Variants in GRID1 observed in about 807,000 individuals in gnomAD.
GRID1 encodes glutamate ionotropic receptor delta type subunit 1.
Under a neutral mutation model 98.0 loss-of-function variants are expected in GRID1, and 28 were observed. The observed-to-expected ratio is 0.29, with a 90% CI of 0.21 to 0.39. The LOEUF (loss-of-function observed/expected upper bound fraction) is 0.39, where lower values mean the gene tolerates loss of function less well. GRID1 is among the 10% of genes least tolerant of loss of function. The probability of loss-of-function intolerance (pLI) is 1.00; values close to 1 mark genes in which losing one functional copy is unlikely to be tolerated. For synonymous variants in GRID1, 553 were observed against 538.5 expected, an observed-to-expected ratio of 1.03 and a Z score of -0.37; for missense variants, 1,111 against 1,340.5, an observed-to-expected ratio of 0.83 and a Z score of 2.67.
intron 8 of GRID1, among the ~76,000 whole-genome samples, chr10:85,799,556 C>A (rs1278899807): frequency 6.6e-6 from 1 of 152,016 alleles, no homozygotes; most frequent in African/African-American, 2.4e-5. Context: ...AGACTTAAAT[C>A]TTGTCATTTT....
intron 12 of GRID1, among the ~76,000 whole-genome samples, chr10:85,700,417 G>A (rs2132621502): frequency 6.6e-6 from 1 of 152,284 alleles, no homozygotes. Flanking sequence ...CTGTCCTCCT[G>A]CCTTCCAACC....
intron 5 of GRID1, among the ~76,000 whole-genome samples, chr10:85,885,342 A>T (rs1431025057): frequency 2.6e-5 from 4 of 152,196 alleles, no homozygotes; most frequent in Non-Finnish European, 5.9e-5. Context: ...GAACATGTAT[A>T]TTCAGCCAGG....
rs551746097 is a variant in GRID1, at chr10:85,757,211, C to T, written c.1234-27597G>A. Among the ~76,000 whole-genome samples, 5 of 152,322 alleles carry T rather than the reference C, an allele frequency of 3.3e-5. No individual in the cohort carries two copies. The East Asian group carries it at 9.7e-4, about 29-fold the overall frequency. On this transcript the variant is annotated intron_variant, in intron 8 of 15. Coordinates refer to ENST00000327946, the MANE Select transcript of GRID1 (RefSeq NM_017551.3). Reference sequence around the variant, plus strand: ...CAACTCCCCTTCAAGGTTCTACTACCTAATCTCGCTTGGAAGAACAAGCCT... The same window carrying T: ...CAACTCCCCTTCAAGGTTCTACTACTTAATCTCGCTTGGAAGAACAAGCCT...
Position 85,916,058 on chromosome 10 carries a change from C to G in GRID1, c.780+128G>C. The G allele has an allele frequency of 1.4e-6, 1 of 736,442 alleles. No homozygotes were observed. The highest frequency in any genetic ancestry group is 2.3e-6 in the Non-Finnish European group (1 of 427,984). The allele number at this position is 736,442 out of a possible 1,614,324, so 45.6% of individuals were successfully genotyped here. ...TCAACTCTTTGAGTTTTTGCCTGGG[C>G]TAGGTGGAGCCCCAGGATTCACAAC... is the stretch of plus-strand genomic sequence containing the variant. On this transcript the variant is annotated intron_variant, in intron 5 of 15. Coordinates refer to ENST00000327946, the MANE Select transcript of GRID1 (RefSeq NM_017551.3). This position sits in a 1 kb window ranked among gnomAD's most constrained non-coding sequence, Gnocchi z 4.0.
intron 8 of GRID1, among the ~76,000 whole-genome samples, chr10:85,751,709 C>T (rs979313407): frequency 6.6e-6 from 1 of 151,978 alleles, no homozygotes; most frequent in African/African-American, 2.4e-5. Context: ...TGTGTGCACA[C>T]ATATATGTAT....
intron 8 of GRID1, among the ~76,000 whole-genome samples, chr10:85,837,292 C>A (rs768856883): frequency 5.3e-5 from 8 of 152,224 alleles, no homozygotes; most frequent in Non-Finnish European, 1.0e-4. Flanking sequence ...ACCAACTCCA[C>A]CTCCAGCACA....
chr10:85,978,870 T>TA (rs1253907698), intron 4 of GRID1, among the ~76,000 whole-genome samples: 3 of 152,204 alleles, frequency 2.0e-5, no homozygotes, highest in Non-Finnish European at 2.9e-5. Context: ...CTGGAACGCT[T>TA]ACAGTAACCC....
At chr10:85,850,071 G>T (rs1843043722) in intron 8 of GRID1, among the ~76,000 whole-genome samples, 1 of 152,112 alleles carries the variant, frequency 6.6e-6, no homozygotes, top group African/African-American at 2.4e-5. Context: ...CCTGCCCAAG[G>T]ACAGCTGCTG....
intron 12 of GRID1, among the ~76,000 whole-genome samples, chr10:85,675,472 G>A (rs1454413464): frequency 6.6e-6 from 1 of 152,204 alleles, no homozygotes; most frequent in Non-Finnish European, 1.5e-5. Context: ...TTTCAGGAAT[G>A]ACAGACATCT....
intron 4 of GRID1, among the ~76,000 whole-genome samples, chr10:86,132,876 A>G (rs1021959714): frequency 3.3e-5 from 5 of 152,210 alleles, no homozygotes; most frequent in African/African-American, 1.2e-4. Flanking sequence ...TGGGAAGCCA[A>G]TCTGGGAGAG....
chr10:86,356,433 T>C (rs1328864076), intron 2 of GRID1, among the ~76,000 whole-genome samples: 1 of 152,240 alleles, frequency 6.6e-6, no homozygotes, highest in Non-Finnish European at 1.5e-5. Context: ...ATAGTAGGGC[T>C]GTGCTTCCTG....
intron 12 of GRID1, among the ~76,000 whole-genome samples, chr10:85,707,502 T>A (rs926639636): frequency 6.6e-6 from 1 of 152,324 alleles, no homozygotes; most frequent in Admixed American, 6.5e-5. Flanking sequence ...GGAACACTTT[T>A]ACACTGTTGG....
At position 85,981,105 on chromosome 10, in the gene GRID1, G is replaced by A. The variant is rs568922038; in HGVS notation, c.727-64866C>T. Among the ~76,000 whole-genome samples the A allele has an allele frequency of 1.1e-4, 17 of 152,218 alleles. No individual in the cohort carries two copies. In the East Asian group the frequency reaches 2.9e-3, roughly 26 times the overall value. ...GATTCACCTTGGTAGCTCACAGCCC[G>A]ACAGAGGCCCATGAGCACAGAGAGT... On this transcript the variant is annotated intron_variant, in intron 4 of 15. Transcript: ENST00000327946.
chr10:85,895,001 CAAAA>C (rs60119755), intron 5 of GRID1, among the ~76,000 whole-genome samples: 30 of 103,900 alleles, frequency 2.9e-4, no homozygotes, highest in East Asian at 1.6e-3. Flanking sequence ...CTGGGACTCT[CAAAA>C]AAAAAAAAAA....
At chr10:86,349,655 C>T (rs916177378) in intron 2 of GRID1, among the ~76,000 whole-genome samples, 1 of 152,200 alleles carries the variant, frequency 6.6e-6, no homozygotes, top group Non-Finnish European at 1.5e-5. Flanking sequence ...GGCAGACCTA[C>T]AGGGGGCAGG....
At chr10:85,980,711 G>A (rs2131860984) in intron 4 of GRID1, among the ~76,000 whole-genome samples, 1 of 152,292 alleles carries the variant, frequency 6.6e-6, no homozygotes, top group South Asian at 2.1e-4. Flanking sequence ...GTCCCCAAGT[G>A]GGGTCAGAAA....
intron 4 of GRID1, among the ~76,000 whole-genome samples, chr10:86,052,906 G>T (rs1843521441): frequency 1.3e-5 from 2 of 152,204 alleles, no homozygotes; most frequent in Admixed American, 1.3e-4. Flanking sequence ...AATGCCCTTT[G>T]TCCCCAGCAA....
At chr10:85,897,874 C>G (rs2131813592) in intron 5 of GRID1, among the ~76,000 whole-genome samples, 2 of 129,654 alleles carry the variant, frequency 1.5e-5, no homozygotes, top group South Asian at 4.7e-4. Flanking sequence ...CACCATCTCC[C>G]CAACCCCCCA....
intron 4 of GRID1, among the ~76,000 whole-genome samples, chr10:85,923,356 T>G (rs1841731911): frequency 6.6e-6 from 1 of 152,132 alleles, no homozygotes; most frequent in African/African-American, 2.4e-5. Flanking sequence ...GTATCAGAAT[T>G]TACCCTGTGA....
Sources: gnomAD v4.1 joint callset for allele counts (sites outside exome capture counted in the v4.1 genomes callset) on GRCh38, gnomAD v4.1.1 for gene constraint, Gnocchi (gnomAD v3.1) non-coding constraint, MANE v1.5 for transcripts, NCBI Gene and HGNC (gene_info 2026-07-23, HGNC 2026-07-21) for gene names.